COMMD1: variants seen among roughly 807,000 people sequenced by gnomAD.
COMMD1 encodes copper metabolism domain containing 1, also known as COMM domain-containing protein 1.
In COMMD1, 10 loss-of-function variants were observed where a neutral mutation model predicts 17.2. The observed-to-expected ratio is 0.58, with a 90% CI of 0.36 to 0.99. The LOEUF is 0.99. Among genes scored for constraint, COMMD1 ranks in the 50% least tolerant of loss-of-function variants. The pLI is 0.01. For missense variants in COMMD1, 270 were observed against 231.8 expected (o/e 1.17, Z -1.07); for synonymous variants, 97 against 91.6 (o/e 1.06, Z -0.34).
chr2:62,075,677 C>T (rs1671318642), intron 2 of COMMD1, among the ~76,000 whole-genome samples: 1 of 152,186 alleles, frequency 6.6e-6, no homozygotes. Flanking sequence ...CATAGTTCCG[C>T]TACCCTGGCC....
intron 2 of COMMD1, among the ~76,000 whole-genome samples, chr2:62,048,053 T>C (rs1196502754): frequency 6.6e-6 from 1 of 152,182 alleles, no homozygotes; most frequent in Non-Finnish European, 1.5e-5. Flanking sequence ...TTTCTCAGAA[T>C]GTGTACCTGC....
intron 2 of COMMD1, among the ~76,000 whole-genome samples, chr2:62,008,009 C>A (rs1370793740): frequency 1.3e-5 from 2 of 152,002 alleles, no homozygotes; most frequent in Non-Finnish European, 2.9e-5. Flanking sequence ...TGGCGAGACC[C>A]CATCTCTACA....
intron 1 of COMMD1, among the ~76,000 whole-genome samples, chr2:61,890,015 A>G (rs1295756033): frequency 6.6e-6 from 1 of 152,194 alleles, no homozygotes; most frequent in Non-Finnish European, 1.5e-5. Context: ...AATACAAAGC[A>G]AGGACCAGAA....
In COMMD1 at chr2:62,122,121, T is replaced by C. The variant is rs946079197; in HGVS notation, c.463-13710T>C. 2.0e-5 allele frequency among the ~76,000 whole-genome samples: 3 copies of C among 152,350 alleles called. No individual in the cohort carries two copies. The East Asian group carries it at 5.8e-4, about 29-fold the overall frequency. On this transcript the variant is annotated intron_variant, in intron 2 of 2. Transcript: ENST00000311832. ...TTATTTATTTTGTACAGCCCTTTAATGCATGAGAAATTAGCCAGTTATTTA... is the reference window on the plus strand; with the variant it reads ...TTATTTATTTTGTACAGCCCTTTAACGCATGAGAAATTAGCCAGTTATTTA...
intron 2 of COMMD1, among the ~76,000 whole-genome samples, chr2:62,116,980 A>G (rs1672625007): frequency 6.8e-6 from 1 of 148,012 alleles, no homozygotes; most frequent in Admixed American, 6.8e-5. Flanking sequence ...GGGCAACAAG[A>G]GCGAAAACTT....
chr2:62,031,089 C>A (rs1379437116), intron 2 of COMMD1, among the ~76,000 whole-genome samples: 1 of 151,988 alleles, frequency 6.6e-6, no homozygotes, highest in Non-Finnish European at 1.5e-5. Flanking sequence ...TGTGAAACAT[C>A]CTCTGAATTC....
chr2:61,970,096 A>C (rs1005594471), intron 1 of COMMD1, among the ~76,000 whole-genome samples: 2 of 151,896 alleles, frequency 1.3e-5, no homozygotes, highest in African/African-American at 4.8e-5. Flanking sequence ...ATCTCTAGTA[A>C]AAATACAAAA....
chr2:62,012,079 C>T (rs1669293844), intron 2 of COMMD1, among the ~76,000 whole-genome samples: 1 of 152,010 alleles, frequency 6.6e-6, no homozygotes. Context: ...GAAACTCCGT[C>T]TCTACTAAAA....
chr2:62,119,887 C>G (rs983350169), intron 2 of COMMD1, among the ~76,000 whole-genome samples: 6 of 152,302 alleles, frequency 3.9e-5, no homozygotes, highest in Admixed American at 6.5e-5. Context: ...AGATTATCAT[C>G]CTTAGAAAGC....
At chr2:62,041,510 ATCC>A (rs957964190) in intron 2 of COMMD1, among the ~76,000 whole-genome samples, 3 of 152,096 alleles carry the variant, frequency 2.0e-5, no homozygotes, top group Non-Finnish European at 2.9e-5. Context: ...GGCCCAAGCA[ATCC>A]TCCTACCTTA....
intron 1 of COMMD1, among the ~76,000 whole-genome samples, chr2:61,994,501 A>T (rs938332698): frequency 1.3e-5 from 2 of 151,926 alleles, no homozygotes; most frequent in South Asian, 4.2e-4. Flanking sequence ...CCTGTGTTCT[A>T]CTTGGTGTTG....
At chr2:61,995,643 G>A (rs921137316) in intron 1 of COMMD1, among the ~76,000 whole-genome samples, 3 of 152,132 alleles carry the variant, frequency 2.0e-5, no homozygotes, top group Admixed American at 6.5e-5. Context: ...TAGTGATACC[G>A]AGTCTACTTC....
intron 2 of COMMD1, 96 bp from the exon 3 acceptor site, chr2:62,135,735 G>T: frequency 1.3e-6 from 1 of 755,280 alleles, no homozygotes; most frequent in Admixed American, 1.8e-5. Flanking sequence ...AGCTGGGCTT[G>T]CTGGATTGGG....
intron 1 of COMMD1, among the ~76,000 whole-genome samples, chr2:61,910,177 A>G (rs1669867764): frequency 6.6e-6 from 1 of 152,144 alleles, no homozygotes; most frequent in Non-Finnish European, 1.5e-5. Context: ...GTGTTTATTT[A>G]AGGAGATAAC....
At chr2:62,121,496 T>C (rs1672744505) in intron 2 of COMMD1, among the ~76,000 whole-genome samples, 1 of 148,158 alleles carries the variant, frequency 6.7e-6, no homozygotes. Context: ...CCCAACACTT[T>C]GGAGGCCAAG....
At chr2:62,061,256 ATTTTG>A (rs1156884797) in intron 2 of COMMD1, among the ~76,000 whole-genome samples, 5 of 152,096 alleles carry the variant, frequency 3.3e-5, no homozygotes, top group African/African-American at 9.7e-5. Context: ...ATAGCTAATA[ATTTTG>A]TTTTGTATAC....
At chr2:61,991,526 C>T (rs368670738) in intron 1 of COMMD1, among the ~76,000 whole-genome samples, 1 of 152,248 alleles carries the variant, frequency 6.6e-6, no homozygotes, top group Non-Finnish European at 1.5e-5. Context: ...AATTTCATTT[C>T]ATTGAGGTAA....
At chr2:62,118,573 GT>G (rs1259095133) in intron 2 of COMMD1, among the ~76,000 whole-genome samples, 1 of 152,128 alleles carries the variant, frequency 6.6e-6, no homozygotes, top group Admixed American at 6.5e-5. Context: ...CAGATCCTGA[GT>G]TAGTCTTCAG....
intron 2 of COMMD1, among the ~76,000 whole-genome samples, chr2:62,131,505 C>CTTTCT (rs906059529): frequency 2.0e-5 from 3 of 152,004 alleles, no homozygotes; most frequent in Non-Finnish European, 2.9e-5. Flanking sequence ...GCCTGCCTTC[C>CTTTCT]TTTCTTTTCT....
Sources: gnomAD v4.1 joint callset for allele counts (sites outside exome capture counted in the v4.1 genomes callset) on GRCh38, gnomAD v4.1.1 for gene constraint, MANE v1.5 for transcripts, NCBI Gene and HGNC (gene_info 2026-07-23, HGNC 2026-07-21) for gene names.